The following KAZN variants were observed in gnomAD, a reference collection of about 807,000 sequenced individuals.
KAZN encodes the protein kazrin.
Under a neutral mutation model 87.4 loss-of-function variants are expected in KAZN, and 40 were observed. The ratio of observed to expected loss-of-function variants is 0.46; its 90% CI spans 0.36 to 0.60. The LOEUF (loss-of-function observed/expected upper bound fraction) is 0.60. KAZN is among the 20% of genes least tolerant of loss of function. The pLI is 0.00. For missense variants in KAZN, 898 were observed against 1,073.9 expected, an observed-to-expected ratio of 0.84 and a Z score of 2.29; for synonymous variants, 466 against 458.3, an observed-to-expected ratio of 1.02 and a Z score of -0.22.
intron 2 of KAZN, among the ~76,000 whole-genome samples, chr1:14,508,060 C>T (rs543203451): frequency 6.6e-6 from 1 of 151,942 alleles, no homozygotes; most frequent in Non-Finnish European, 1.5e-5. Context: ...TTCTTGTGAC[C>T]CCCCAGTACC....
intron 1 of KAZN, among the ~76,000 whole-genome samples, chr1:14,162,680 G>A (rs535111769): frequency 1.3e-5 from 2 of 152,108 alleles, no homozygotes; most frequent in South Asian, 2.1e-4. Flanking sequence ...AAATAGCTGG[G>A]ACTACAGGCA....
intron 1 of KAZN, among the ~76,000 whole-genome samples, chr1:14,692,792 G>C (rs1641393244): frequency 6.6e-6 from 1 of 152,194 alleles, no homozygotes; most frequent in African/African-American, 2.4e-5. Flanking sequence ...AATTAGCCAG[G>C]CGTAGTGGCA....
At chr1:14,985,494 C>T (rs1207090601) in intron 2 of KAZN, among the ~76,000 whole-genome samples, 2 of 152,080 alleles carry the variant, frequency 1.3e-5, no homozygotes, top group Admixed American at 6.5e-5. Flanking sequence ...CATGCCACTG[C>T]ACTCCAGCCT....
At chr1:14,091,766 G>A (rs1458968323) in intron 1 of KAZN, among the ~76,000 whole-genome samples, 1 of 152,120 alleles carries the variant, frequency 6.6e-6, no homozygotes, top group Non-Finnish European at 1.5e-5. Flanking sequence ...AAATTAAGAG[G>A]TATAAAATAA....
intron 1 of KAZN, among the ~76,000 whole-genome samples, chr1:14,008,131 C>A (rs556831461): frequency 6.6e-6 from 1 of 152,270 alleles, no homozygotes; most frequent in South Asian, 2.1e-4. Flanking sequence ...CTGCTCCCAA[C>A]CCCTGTGTTT....
intron 1 of KAZN, among the ~76,000 whole-genome samples, chr1:13,955,466 G>A (rs1356471814): frequency 6.6e-6 from 1 of 151,746 alleles, no homozygotes; most frequent in African/African-American, 2.4e-5. Context: ...ATATTTTTGG[G>A]ATTTTGGTCT....
chr1:15,027,413 C>T (rs1467989519), intron 2 of KAZN, among the ~76,000 whole-genome samples: 2 of 152,164 alleles, frequency 1.3e-5, no homozygotes, highest in Admixed American at 1.3e-4. Context: ...CTGCCTTGGC[C>T]TAAGAGTTGG....
chr1:14,837,454 C>G (rs1647388248), intron 1 of KAZN, among the ~76,000 whole-genome samples: 1 of 152,210 alleles, frequency 6.6e-6, no homozygotes. Flanking sequence ...CTGCCTCAAC[C>G]TCCCAAAGTG....
In KAZN at chr1:14,494,325, G is replaced by A. The variant is rs199751121; in HGVS notation, c.250-104658G>A. Among the ~76,000 whole-genome samples the A allele has an allele frequency of 5.3e-5, 8 of 152,302 alleles. No homozygotes were observed. The East Asian group carries it at 1.3e-3, about 26-fold the overall frequency. On this transcript the variant is annotated intron_variant, in intron 2 of 16. Coordinates refer to the KAZN transcript ENST00000636203. ...CAGTGTATAGTATGAGCACACAACC[G>A]TGGCTGGGCAGAGAGGGAGTGGGTA...
At chr1:14,877,777 G>A (rs566854719) in intron 1 of KAZN, among the ~76,000 whole-genome samples, 40 of 152,338 alleles carry the variant, frequency 2.6e-4, no homozygotes, top group African/African-American at 8.4e-4. Context: ...GAACGGTACA[G>A]TGCTTGATAG....
intron 2 of KAZN, among the ~76,000 whole-genome samples, chr1:14,243,417 A>G (rs1283108264): frequency 6.6e-6 from 1 of 152,120 alleles, no homozygotes; most frequent in South Asian, 2.1e-4. Context: ...AGAGTGATCT[A>G]TTGTAACATC....
At chr1:14,456,353 C>T (rs1667565462) in intron 2 of KAZN, among the ~76,000 whole-genome samples, 3 of 152,084 alleles carry the variant, frequency 2.0e-5, no homozygotes, top group African/African-American at 4.8e-5. Flanking sequence ...CTCTTGTTTA[C>T]GGAGGTCTCT....
intron 2 of KAZN, among the ~76,000 whole-genome samples, chr1:14,361,319 T>C (rs1196708332): frequency 6.6e-6 from 1 of 152,226 alleles, no homozygotes; most frequent in African/African-American, 2.4e-5. Flanking sequence ...AACCTCAGAC[T>C]GCTGTGCTGG....
At chr1:14,480,062 G>A (rs370429684) in intron 2 of KAZN, among the ~76,000 whole-genome samples, 1 of 152,208 alleles carries the variant, frequency 6.6e-6, no homozygotes, top group African/African-American at 2.4e-5. Flanking sequence ...ATGACTTGGG[G>A]CATCCATGTG....
intron 1 of KAZN, among the ~76,000 whole-genome samples, chr1:14,872,257 G>T (rs1197577183): frequency 2.6e-5 from 4 of 152,204 alleles, no homozygotes; most frequent in Admixed American, 6.5e-5. Flanking sequence ...CTACTTTAGG[G>T]TGGTTATGGA....
At chr1:14,289,164 T>C (rs1653484213) in intron 2 of KAZN, among the ~76,000 whole-genome samples, 1 of 152,204 alleles carries the variant, frequency 6.6e-6, no homozygotes, top group African/African-American at 2.4e-5. Flanking sequence ...TTCTGTTGAT[T>C]GGGGTGGAGA....
intron 2 of KAZN, among the ~76,000 whole-genome samples, chr1:14,285,147 T>C (rs1653143136): frequency 1.3e-5 from 2 of 152,220 alleles, no homozygotes; most frequent in Non-Finnish European, 2.9e-5. Context: ...AAGTGCCCAG[T>C]CGGTAAAGTG....
chr1:14,807,534 C>T (rs1646261503), intron 1 of KAZN, among the ~76,000 whole-genome samples: 1 of 152,042 alleles, frequency 6.6e-6, no homozygotes, highest in Non-Finnish European at 1.5e-5. Context: ...TTTGGGAGGC[C>T]AAAGCGGGAG....
At chr1:14,031,697 T>G (rs1477942544) in intron 1 of KAZN, among the ~76,000 whole-genome samples, 2 of 152,236 alleles carry the variant, frequency 1.3e-5, no homozygotes, top group Non-Finnish European at 2.9e-5. Flanking sequence ...TTTGATATTT[T>G]GACCAATTCT....
Sources: allele counts gnomAD v4.1 joint callset (sites outside exome capture counted in the v4.1 genomes callset), GRCh38; gene constraint gnomAD v4.1.1; transcripts MANE v1.5; gene names NCBI Gene and HGNC (gene_info 2026-07-23, HGNC 2026-07-21).